The following BATF variants were observed in gnomAD, a reference collection of about 807,000 sequenced individuals.
BATF encodes basic leucine zipper transcriptional factor ATF-like.
In BATF, 5 loss-of-function variants were observed where a neutral mutation model predicts 13.7. That is an observed-to-expected ratio of 0.36 (90% CI 0.19 to 0.77). The LOEUF (loss-of-function observed/expected upper bound fraction) is 0.77. Ranked by LOEUF, BATF falls within the 30% of genes least tolerant of loss-of-function variation. The pLI, the probability that BATF is intolerant of heterozygous loss-of-function variation, is 0.51. For synonymous variants in BATF, 72 were observed against 67.5 expected (o/e 1.07, Z -0.33); for missense variants, 124 against 163.0 (o/e 0.76, Z 1.30).
intron 2 of BATF, among the ~76,000 whole-genome samples, chr14:75,542,121 C>T (rs1887904763): frequency 6.6e-6 from 1 of 152,226 alleles, no homozygotes; most frequent in Non-Finnish European, 1.5e-5. Flanking sequence ...CTCAAAGTTT[C>T]TGAACTTCTG....
intron 2 of BATF, among the ~76,000 whole-genome samples, chr14:75,531,337 A>G (rs1887728610): frequency 6.6e-6 from 1 of 152,266 alleles, no homozygotes; most frequent in South Asian, 2.1e-4. Flanking sequence ...GTCAAAGACC[A>G]GGATCAGTGG....
intron 2 of BATF, among the ~76,000 whole-genome samples, chr14:75,528,034 A>G (rs747366316): frequency 7.2e-5 from 11 of 151,960 alleles, no homozygotes; most frequent in Non-Finnish European, 1.6e-4. Flanking sequence ...TTCTCCATCC[A>G]TTATCCTCTT....
chr14:75,525,283 T>G, intron 2 of BATF, 95 bp downstream of exon 2: 1 of 1,319,644 alleles, frequency 7.6e-7, no homozygotes, highest in Non-Finnish European at 1.1e-6. Flanking sequence ...TCTGCTTGTG[T>G]GGGGATGTGT....
chr14:75,533,038 T>C (rs1357134415), intron 2 of BATF, among the ~76,000 whole-genome samples: 1 of 152,108 alleles, frequency 6.6e-6, no homozygotes, highest in African/African-American at 2.4e-5. Context: ...GCTATTTTCA[T>C]TTGGGGAGGG....
At position 75,522,551 on chromosome 14, in the gene BATF, G is replaced by A; in HGVS notation, c.-132G>A. 1.1e-6 allele frequency: 1 copy of A among 934,022 alleles called. No homozygotes were observed. The highest frequency in any genetic ancestry group is 2.6e-5 in the East Asian group (1 of 39,000). The allele number at this position is 934,022 out of a possible 1,614,324, so 57.9% of individuals were successfully genotyped here. On this transcript the variant is annotated 5_prime_UTR_variant, in exon 1 of 3. Coordinates refer to ENST00000286639, the MANE Select transcript of BATF (RefSeq NM_006399.5). The stretch of plus-strand genomic sequence containing the variant: ...ACGCAGGGGTCAGAGGTGGCTACAG[G>A]GCAGGCAGAGGAGGCACCTGTAGGG...
At chr14:75,522,845 A>T in intron 1 of BATF, 100 bp downstream of exon 1, 1 of 1,473,238 alleles carries the variant, frequency 6.8e-7, no homozygotes, top group Non-Finnish European at 9.4e-7. Context: ...AGGATGGAGG[A>T]AGTGGCTCGT....
At chr14:75,528,357 C>T (rs1887682413) in intron 2 of BATF, among the ~76,000 whole-genome samples, 1 of 152,184 alleles carries the variant, frequency 6.6e-6, no homozygotes, top group Admixed American at 6.5e-5. Context: ...TATCTTGTTC[C>T]TCTAGTGAGA....
At chr14:75,546,151 C>G (rs377054982) in intron 2 of BATF, among the ~76,000 whole-genome samples, 1 of 152,150 alleles carries the variant, frequency 6.6e-6, no homozygotes, top group East Asian at 1.9e-4. Context: ...GGTAAGCCAC[C>G]GCGCCCGGCC....
intron 2 of BATF, among the ~76,000 whole-genome samples, chr14:75,533,335 G>A (rs1887766621): frequency 6.6e-6 from 1 of 151,636 alleles, no homozygotes; most frequent in South Asian, 2.1e-4. Flanking sequence ...GGATGAGGCA[G>A]GAGAACGGCA....
chr14:75,545,689 C>T (rs1887972839), intron 2 of BATF, among the ~76,000 whole-genome samples: 1 of 152,036 alleles, frequency 6.6e-6, no homozygotes, highest in Non-Finnish European at 1.5e-5. Flanking sequence ...TGGTGTAAGA[C>T]GTTCTCACAA....
chr14:75,530,088 A>C (rs1305796264), intron 2 of BATF, among the ~76,000 whole-genome samples: 1 of 152,056 alleles, frequency 6.6e-6, no homozygotes, highest in Non-Finnish European at 1.5e-5. Context: ...AAGTAAAGAA[A>C]AATGAACAAT....
At chr14:75,526,492 ATAAG>A (rs1887655935) in intron 2 of BATF, among the ~76,000 whole-genome samples, 1 of 152,262 alleles carries the variant, frequency 6.6e-6, no homozygotes, top group Non-Finnish European at 1.5e-5. Flanking sequence ...CGTATCAAGA[ATAAG>A]TAAGTAAGAT....
chr14:75,533,175 G>T (rs1266116090), intron 2 of BATF, among the ~76,000 whole-genome samples: 1 of 152,086 alleles, frequency 6.6e-6, no homozygotes, highest in Non-Finnish European at 1.5e-5. Context: ...ATGCTGTAAA[G>T]AACGACTGTT....
chr14:75,532,536 A>G (rs1878451767), intron 2 of BATF, among the ~76,000 whole-genome samples: 1 of 152,234 alleles, frequency 6.6e-6, no homozygotes, highest in Admixed American at 6.5e-5. Flanking sequence ...GTGTAGCAAT[A>G]AATGTTAACA....
At chr14:75,524,737 AG>A (rs1172381041) in intron 1 of BATF, among the ~76,000 whole-genome samples, 3 of 152,118 alleles carry the variant, frequency 2.0e-5, no homozygotes, top group African/African-American at 7.2e-5. Context: ...AAAAAGTGAG[AG>A]GGCGAGGGTG....
rs1450731461 is a variant in BATF at position 75,546,497 on chromosome 14, A to G, written c.204A>G (p.Leu68=). ...ACCTGGAGAAACAGAACGCGGCTCT[A>G]CGCAAGGAGATCAAGCAGCTCACAG... ...SEDLEKQNAA[L]RKEIKQLTEE... is the part of the protein sequence containing the mutation. The change falls in exon 3 of 3, where the codon CTA becomes CTG. Residue 68 remains leucine (L), a synonymous_variant. Coordinates refer to ENST00000286639, the MANE Select transcript of BATF (RefSeq NM_006399.5). 2.5e-6 allele frequency: 4 copies of G among 1,614,166 alleles called. No individual in the cohort carries two copies. Among genetic ancestry groups the G allele is most frequent in the East Asian group, 2.2e-5 (1 of 44,868 alleles).
At chr14:75,544,110 A>G (rs1171502091) in intron 2 of BATF, among the ~76,000 whole-genome samples, 1 of 152,196 alleles carries the variant, frequency 6.6e-6, no homozygotes, top group Non-Finnish European at 1.5e-5. Context: ...GCATTTAATA[A>G]GTGCTTGAAT....
In BATF at chr14:75,546,760, G is replaced by A. The variant is rs1042105084; in HGVS notation, c.*89G>A. 6.4e-5 allele frequency: 90 copies of A among 1,395,416 alleles called. No homozygotes were observed. The highest frequency in any genetic ancestry group is 4.2e-4 in the Admixed American group (19 of 44,890). 86.4% of individuals were successfully genotyped at this position (1,395,416 alleles called of 1,614,324 possible). A position where few individuals can be genotyped will look rare whatever the true frequency, so the allele number is the denominator to read the frequency against. On this transcript the variant is annotated 3_prime_UTR_variant, in exon 3 of 3. Transcript: ENST00000286639. ...ATCCCGCAGAGGCCCCTGTCCACCT[G>A]GAGACCCGGAGACAGAGGCCTGGAC...
chr14:75,533,783 G>A (rs190138023), intron 2 of BATF, among the ~76,000 whole-genome samples: 1 of 152,236 alleles, frequency 6.6e-6, no homozygotes, highest in African/African-American at 2.4e-5. Flanking sequence ...ATACTACCTT[G>A]TTGATAAAAT....
Sources: allele counts gnomAD v4.1 joint callset (sites outside exome capture counted in the v4.1 genomes callset), GRCh38; gene constraint gnomAD v4.1.1; transcripts MANE v1.5; gene names NCBI Gene and HGNC (gene_info 2026-07-23, HGNC 2026-07-21).